Variants in CSMD3 observed in about 807,000 individuals in gnomAD.
The protein encoded by CSMD3 is CUB and Sushi multiple domains 3, also known as CUB and sushi domain-containing protein 3.
Under a neutral mutation model 435.2 loss-of-function variants are expected in CSMD3, and 177 were observed. The ratio of observed to expected loss-of-function variants is 0.41; its 90% CI spans 0.36 to 0.46. The LOEUF is 0.46. Ranked by LOEUF, CSMD3 falls within the 20% of genes least tolerant of loss-of-function variation. The probability of loss-of-function intolerance (pLI) is 0.34; values close to 1 mark genes in which losing one functional copy is unlikely to be tolerated. For synonymous variants in CSMD3, 1,656 were observed against 1,520.5 expected, an observed-to-expected ratio of 1.09 and a Z score of -2.07; for missense variants, 4,265 against 4,504.6, an observed-to-expected ratio of 0.95 and a Z score of 1.52.
At chr8:112,677,805 C>T (rs2075801159) in intron 16 of CSMD3, among the ~76,000 whole-genome samples, 1 of 151,972 alleles carries the variant, frequency 6.6e-6, no homozygotes, top group African/African-American at 2.4e-5. Flanking sequence ...CAAAATGATT[C>T]TTAAGGCCCT....
intron 27 of CSMD3, among the ~76,000 whole-genome samples, chr8:112,547,926 A>C (rs569473253): frequency 3.9e-5 from 6 of 152,184 alleles, no homozygotes; most frequent in Non-Finnish European, 5.9e-5. Flanking sequence ...GAATTAGCGG[A>C]TGAACATATG....
At chr8:112,450,086 A>G (rs1342052001) in intron 32 of CSMD3, among the ~76,000 whole-genome samples, 1 of 152,158 alleles carries the variant, frequency 6.6e-6, no homozygotes, top group Non-Finnish European at 1.5e-5. Context: ...TATTTCCTAC[A>G]TTCTGGGCAT....
Position 112,454,535 on chromosome 8 carries a change from T to C in CSMD3, c.5395+18056A>G, listed in dbSNP as rs183371379. The stretch of plus-strand genomic sequence containing the variant: ...AGGGAAATGCAAATCCAAACTATAA[T>C]GATATACCATCTCACATTAGTCAGA... On this transcript the variant is annotated intron_variant, in intron 32 of 70. Transcript: ENST00000297405. Among the ~76,000 whole-genome samples, 419 of 152,264 alleles carry C rather than the reference T, an allele frequency of 2.8e-3. 1 individual carries two copies. The highest frequency in any genetic ancestry group is 6.8e-3 in the Middle Eastern group (2 of 294).
At chr8:112,818,114 T>G (rs1246474161) in intron 12 of CSMD3, among the ~76,000 whole-genome samples, 1 of 151,986 alleles carries the variant, frequency 6.6e-6, no homozygotes, top group Non-Finnish European at 1.5e-5. Context: ...TGGAATAGAA[T>G]AAGTAATTGA....
At chr8:112,370,829 C>T (rs1356149699) in intron 38 of CSMD3, among the ~76,000 whole-genome samples, 2 of 152,126 alleles carry the variant, frequency 1.3e-5, no homozygotes, top group East Asian at 1.9e-4. Context: ...AATGTAAAAT[C>T]CAAGGGGGCA....
intron 11 of CSMD3, 44 bp from the exon 12 acceptor site, chr8:112,829,833 G>A: frequency 1.9e-6 from 2 of 1,067,830 alleles, no homozygotes; most frequent in South Asian, 1.3e-5. Context: ...ACTGCGTTGT[G>A]CAATAAAAAC....
intron 38 of CSMD3, among the ~76,000 whole-genome samples, chr8:112,368,027 A>C (rs1374684889): frequency 2.0e-5 from 3 of 152,156 alleles, no homozygotes; most frequent in Non-Finnish European, 4.4e-5. Flanking sequence ...GGAACCTCAA[A>C]AATTTTCTGA....
intron 3 of CSMD3, among the ~76,000 whole-genome samples, chr8:113,263,228 G>A (rs2093441351): frequency 6.6e-6 from 1 of 151,832 alleles, no homozygotes; most frequent in Non-Finnish European, 1.5e-5. Context: ...TGCCTTCAAA[G>A]ATGACAGGCA....
intron 32 of CSMD3, among the ~76,000 whole-genome samples, chr8:112,445,827 A>T (rs1345794317): frequency 6.6e-6 from 1 of 152,214 alleles, no homozygotes; most frequent in Non-Finnish European, 1.5e-5. Flanking sequence ...AGCCAAGTGT[A>T]TATTTCATAA....
At chr8:113,310,249 AC>A (rs2093857123) in intron 2 of CSMD3, 1 of 152,130 alleles carries the variant, frequency 6.6e-6, no homozygotes, top group South Asian at 2.1e-4. Context: ...TTAAGGTTGT[AC>A]ATGTTAAAAA....
At chr8:113,270,948 AC>A (rs2093519801) in intron 3 of CSMD3, among the ~76,000 whole-genome samples, 1 of 151,428 alleles carries the variant, frequency 6.6e-6, no homozygotes, top group Non-Finnish European at 1.5e-5. Flanking sequence ...CACGTTGTGC[AC>A]ATGTACCCTA....
chr8:113,062,084 A>T (rs1179429188), intron 5 of CSMD3, among the ~76,000 whole-genome samples: 1 of 151,772 alleles, frequency 6.6e-6, no homozygotes, highest in Non-Finnish European at 1.5e-5. Context: ...ACTTTTAATT[A>T]TTTTATATTA....
chr8:113,214,784 C>A (rs1429996320), intron 3 of CSMD3, among the ~76,000 whole-genome samples: 1 of 151,582 alleles, frequency 6.6e-6, no homozygotes, highest in Non-Finnish European at 1.5e-5. Context: ...GTGTCAAATA[C>A]AGAGAACAAT....
chr8:112,373,427 C>T (rs944317907), intron 38 of CSMD3, among the ~76,000 whole-genome samples: 26 of 152,084 alleles, frequency 1.7e-4, no homozygotes, highest in Non-Finnish European at 3.2e-4. Flanking sequence ...TTTACACACA[C>T]ACACCACTCA....
chr8:113,161,423 T>C (rs2131834684), intron 4 of CSMD3, among the ~76,000 whole-genome samples: 1 of 152,244 alleles, frequency 6.6e-6, no homozygotes, highest in South Asian at 2.1e-4. Flanking sequence ...ACCTAATTGA[T>C]AAGTTTTTAG....
At chr8:113,005,886 G>C (rs2086038179) in intron 6 of CSMD3, among the ~76,000 whole-genome samples, 1 of 151,920 alleles carries the variant, frequency 6.6e-6, no homozygotes, top group South Asian at 2.1e-4. Flanking sequence ...TGTTGGTTTT[G>C]TATATATGAT....
chr8:113,128,077 CT>C (rs1411692296), intron 4 of CSMD3, among the ~76,000 whole-genome samples: 1 of 152,104 alleles, frequency 6.6e-6, no homozygotes, highest in Non-Finnish European at 1.5e-5. Flanking sequence ...TGAAATAAAT[CT>C]ACATTATTCT....
At chr8:113,260,896 A>C (rs1324593470) in intron 3 of CSMD3, among the ~76,000 whole-genome samples, 1 of 152,146 alleles carries the variant, frequency 6.6e-6, no homozygotes, top group Non-Finnish European at 1.5e-5. Flanking sequence ...CCTGCAAAGG[A>C]CCTGAACTCA....
At chr8:113,242,374 G>C (rs911470498) in intron 3 of CSMD3, among the ~76,000 whole-genome samples, 1 of 151,842 alleles carries the variant, frequency 6.6e-6, no homozygotes, top group Non-Finnish European at 1.5e-5. Flanking sequence ...TCAACTTATT[G>C]CAACCTAATA....
Sources: gnomAD v4.1 joint callset for allele counts (sites outside exome capture counted in the v4.1 genomes callset) on GRCh38, gnomAD v4.1.1 for gene constraint, MANE v1.5 for transcripts, NCBI Gene and HGNC (gene_info 2026-07-23, HGNC 2026-07-21) for gene names.